Variants in ADAMTSL1 observed in about 807,000 individuals in gnomAD.
ADAMTSL1 encodes the protein ADAMTS-like protein 1.
In ADAMTSL1, 126 loss-of-function variants were observed where a neutral mutation model predicts 201.8. That is an observed-to-expected ratio of 0.62 (90% CI 0.54 to 0.72). ADAMTSL1 has a LOEUF of 0.72. Ranked by LOEUF, ADAMTSL1 falls within the 30% of genes least tolerant of loss-of-function variation. The pLI is 0.00. For missense variants in ADAMTSL1, 2,679 were observed against 2,277.8 expected, an observed-to-expected ratio of 1.18 and a Z score of -3.59; for synonymous variants, 1,121 against 903.4, an observed-to-expected ratio of 1.24 and a Z score of -4.32.
chr9:18,515,272 G>A (rs1488960385), intron 2 of ADAMTSL1, among the ~76,000 whole-genome samples: 1 of 152,148 alleles, frequency 6.6e-6, no homozygotes, highest in Non-Finnish European at 1.5e-5. Flanking sequence ...GTGCAATGAT[G>A]AGGTTTATCT....
At chr9:18,049,957 A>C (rs1414736272) in intron 1 of ADAMTSL1, among the ~76,000 whole-genome samples, 3 of 152,114 alleles carry the variant, frequency 2.0e-5, no homozygotes, top group Non-Finnish European at 4.4e-5. Context: ...AAGCACCTTC[A>C]TTTTGTAACA....
intron 2 of ADAMTSL1, among the ~76,000 whole-genome samples, chr9:18,368,588 G>A (rs1836893810): frequency 6.6e-6 from 1 of 152,172 alleles, no homozygotes; most frequent in Non-Finnish European, 1.5e-5. Context: ...TGGCAGGATT[G>A]GAGTGTAGAA....
intron 15 of ADAMTSL1, among the ~76,000 whole-genome samples, chr9:18,728,724 T>C (rs1384970857): frequency 6.6e-6 from 1 of 152,176 alleles, no homozygotes; most frequent in Non-Finnish European, 1.5e-5. Context: ...AGAAGGAAGA[T>C]GTTGCAGGCA....
chr9:18,331,538 A>G (rs1427473661), intron 2 of ADAMTSL1, among the ~76,000 whole-genome samples: 15 of 152,176 alleles, frequency 9.9e-5, no homozygotes, highest in Admixed American at 9.8e-4. Context: ...GGTGATAGCA[A>G]ATAAGCCCCC....
At chr9:18,177,303 G>A (rs1054965106) in intron 2 of ADAMTSL1, among the ~76,000 whole-genome samples, 1 of 152,150 alleles carries the variant, frequency 6.6e-6, no homozygotes, top group South Asian at 2.1e-4. Flanking sequence ...ACACCAATCT[G>A]GTATAATTGT....
At chr9:18,905,298 C>T (rs1361689040) in intron 26 of ADAMTSL1, among the ~76,000 whole-genome samples, 1 of 152,190 alleles carries the variant, frequency 6.6e-6, no homozygotes, top group African/African-American at 2.4e-5. Context: ...CCTAAGTCTG[C>T]TTTCTGTTCA....
At chr9:18,592,786 C>T (rs988021110) in intron 4 of ADAMTSL1, among the ~76,000 whole-genome samples, 2 of 152,132 alleles carry the variant, frequency 1.3e-5, no homozygotes, top group Non-Finnish European at 2.9e-5. Flanking sequence ...ACAGAGATTG[C>T]AATGAATCTG....
In ADAMTSL1 at chr9:18,592,623, A is replaced by G. The variant is rs150754319; in HGVS notation, c.474+18357A>G. ...AGTACCATGCTATTTTCGTTACTAT[A>G]TCTCTGTAGTAAAATTTGAAGTCAG... On this transcript the variant is annotated intron_variant, in intron 4 of 28. Coordinates refer to ENST00000380548, the MANE Select transcript of ADAMTSL1 (RefSeq NM_001040272.6). 3.6e-3 allele frequency among the ~76,000 whole-genome samples: 545 copies of G among 152,246 alleles called. 4 individuals carry two copies. The highest frequency in any genetic ancestry group is 0.012 in the African/African-American group (497 of 41,554).
intron 2 of ADAMTSL1, among the ~76,000 whole-genome samples, chr9:18,467,030 T>C (rs1387178064): frequency 6.6e-6 from 1 of 152,250 alleles, no homozygotes; most frequent in Admixed American, 6.5e-5. Context: ...ATATCTCATA[T>C]GTTAATAACT....
At chr9:18,717,393 C>G (rs986467926) in intron 14 of ADAMTSL1, among the ~76,000 whole-genome samples, 3 of 151,836 alleles carry the variant, frequency 2.0e-5, no homozygotes, top group African/African-American at 7.2e-5. Context: ...ATTTTAAAGA[C>G]AAGATCACTG....
chr9:18,578,315 C>G (rs905060427), intron 4 of ADAMTSL1, among the ~76,000 whole-genome samples: 2 of 152,154 alleles, frequency 1.3e-5, no homozygotes, highest in Admixed American at 1.3e-4. Context: ...CTTTCTCTCC[C>G]TCTCTCCCTC....
At chr9:18,558,686 T>G (rs1348036058) in intron 3 of ADAMTSL1, among the ~76,000 whole-genome samples, 1 of 152,208 alleles carries the variant, frequency 6.6e-6, no homozygotes, top group East Asian at 1.9e-4. Context: ...TTCCTGACTT[T>G]TTTAATGTTC....
At chr9:18,551,255 T>C (rs1354171720) in intron 3 of ADAMTSL1, among the ~76,000 whole-genome samples, 1 of 151,892 alleles carries the variant, frequency 6.6e-6, no homozygotes, top group African/African-American at 2.4e-5. Context: ...TGTGGGTGCA[T>C]TCCTAGAATA....
At chr9:18,188,447 G>A (rs1443334549) in intron 2 of ADAMTSL1, among the ~76,000 whole-genome samples, 3 of 152,088 alleles carry the variant, frequency 2.0e-5, no homozygotes, top group Non-Finnish European at 4.4e-5. Context: ...CCTTTGATGA[G>A]ACGCTATCTG....
rs780005228 is a variant in ADAMTSL1, at chr9:18,778,024, G to C, written c.3677+118G>C. 244 of 1,337,794 alleles carry C rather than the reference G, an allele frequency of 1.8e-4. 1 individual carries two copies. Among genetic ancestry groups the C allele is most frequent in the Non-Finnish European group, 2.3e-4 (234 of 998,176 alleles). 82.9% of individuals were successfully genotyped at this position (1,337,794 alleles called of 1,614,324 possible). A position where few individuals can be genotyped will look rare whatever the true frequency, so the allele number is the denominator to read the frequency against. Reference sequence around the variant, plus strand: ...AGGGGTAGGGCTTAGAGCTGGCCTCGGGGACCCCATCATGGGGTGCAGGCC... The same window carrying C: ...AGGGGTAGGGCTTAGAGCTGGCCTCCGGGACCCCATCATGGGGTGCAGGCC... On this transcript the variant is annotated intron_variant, in intron 19 of 28. Transcript: ENST00000380548.
intron 1 of ADAMTSL1, among the ~76,000 whole-genome samples, chr9:18,099,355 A>ATATATATATATATTTTTTTT (rs1239180390): frequency 6.6e-5 from 3 of 45,548 alleles, no homozygotes; most frequent in African/African-American, 2.4e-4. Context: ...ATATATATAT[A>ATATATATATATATTTTTTTT]TTTTTTTTTT....
chr9:18,511,127 C>T (rs930069924), intron 2 of ADAMTSL1, among the ~76,000 whole-genome samples: 4 of 152,024 alleles, frequency 2.6e-5, no homozygotes, highest in Non-Finnish European at 5.9e-5. Context: ...GAGATGGCAA[C>T]GAGTTAGATA....
At chr9:18,619,463 C>G (rs1825891476) in intron 4 of ADAMTSL1, among the ~76,000 whole-genome samples, 1 of 151,934 alleles carries the variant, frequency 6.6e-6, no homozygotes, top group South Asian at 2.1e-4. Context: ...AATTCTGAAG[C>G]TAAACAAAGC....
intron 23 of ADAMTSL1, among the ~76,000 whole-genome samples, chr9:18,873,643 G>C (rs10963815): frequency 0.068 from 10,363 of 152,154 alleles, 472 homozygotes; most frequent in East Asian, 0.2. Flanking sequence ...CATCTGTTCT[G>C]TTCCATTGGT....
Sources: gnomAD v4.1 joint callset for allele counts (sites outside exome capture counted in the v4.1 genomes callset) on GRCh38, gnomAD v4.1.1 for gene constraint, MANE v1.5 for transcripts, NCBI Gene and HGNC (gene_info 2026-07-23, HGNC 2026-07-21) for gene names.